Variants in GLI3 observed in about 807,000 individuals in gnomAD.
GLI3 encodes GLI family zinc finger 3.
Under a neutral mutation model 100.8 loss-of-function variants are expected in GLI3, and 20 were observed. The observed-to-expected ratio is 0.20, with a 90% CI of 0.14 to 0.29. The LOEUF (loss-of-function observed/expected upper bound fraction) is 0.29. GLI3 is among the 10% of genes least tolerant of loss of function. The pLI is 1.00. For synonymous variants in GLI3, 938 were observed against 860.5 expected (o/e 1.09, Z -1.58); for missense variants, 2,040 against 2,128.5 (o/e 0.96, Z 0.82).
intron 4 of GLI3, among the ~76,000 whole-genome samples, chr7:42,075,491 T>C (rs1784861916): frequency 6.6e-6 from 1 of 152,340 alleles, no homozygotes; most frequent in Non-Finnish European, 1.5e-5. Context: ...ACTAGGAATT[T>C]CCTTCCCTTT....
At chr7:42,128,014 G>A (rs1451077340) in intron 3 of GLI3, among the ~76,000 whole-genome samples, 8 of 71,766 alleles carry the variant, frequency 1.1e-4, no homozygotes, top group African/African-American at 1.5e-4. Flanking sequence ...GCAAGACCCT[G>A]ACTCAAAAAA....
chr7:42,012,059 A>G (rs921236280), intron 10 of GLI3, among the ~76,000 whole-genome samples: 4 of 151,996 alleles, frequency 2.6e-5, no homozygotes, highest in Admixed American at 6.6e-5. Flanking sequence ...CTGAGCAGAA[A>G]GGATAAACCT....
At chr7:42,018,602 A>C (rs1788838847) in intron 10 of GLI3, among the ~76,000 whole-genome samples, 1 of 152,176 alleles carries the variant, frequency 6.6e-6, no homozygotes, top group African/African-American at 2.4e-5. Flanking sequence ...TTTATATCTA[A>C]ATCTCTATAT....
chr7:42,201,206 ATCTC>A (rs58135860), intron 2 of GLI3, among the ~76,000 whole-genome samples: 21,442 of 151,590 alleles, frequency 0.14, 1,638 homozygotes, highest in Middle Eastern at 0.2. Context: ...AATGTGATAT[ATCTC>A]TCTCTCTCTC....
At chr7:42,136,704 G>C (rs555994551) in intron 3 of GLI3, among the ~76,000 whole-genome samples, 1 of 152,318 alleles carries the variant, frequency 6.6e-6, no homozygotes, top group Non-Finnish European at 1.5e-5. Context: ...AGGTAGCAAG[G>C]ACCAGTTCCT....
At chr7:42,044,520 G>A (rs1784205619) in intron 6 of GLI3, among the ~76,000 whole-genome samples, 1 of 152,164 alleles carries the variant, frequency 6.6e-6, no homozygotes, top group Non-Finnish European at 1.5e-5. Context: ...GATACAACAT[G>A]CATCAAGTAA....
intron 3 of GLI3, among the ~76,000 whole-genome samples, chr7:42,124,456 A>C (rs1231903047): frequency 6.6e-6 from 1 of 152,236 alleles, no homozygotes; most frequent in African/African-American, 2.4e-5. Context: ...ACACCGGAGA[A>C]GCTGAGCAAA....
upstream of GLI3, among the ~76,000 whole-genome samples, chr7:42,238,857 C>T (rs971588673): frequency 2.6e-5 from 4 of 152,242 alleles, no homozygotes; most frequent in African/African-American, 9.6e-5. Context: ...GCCAGAAGTG[C>T]CCCGGAGCTC....
chr7:42,215,417 G>C (rs1027588847), intron 2 of GLI3, among the ~76,000 whole-genome samples: 1 of 152,062 alleles, frequency 6.6e-6, no homozygotes, highest in Non-Finnish European at 1.5e-5. Flanking sequence ...AGCCCTCCTC[G>C]ACCTTGGGGG....
chr7:42,113,409 C>T (rs1785766968), intron 3 of GLI3: 5 of 712,434 alleles, frequency 7.0e-6, no homozygotes, highest in African/African-American at 1.7e-5. Flanking sequence ...GAGATGAAGC[C>T]AAGGTGAAGG....
intron 3 of GLI3, among the ~76,000 whole-genome samples, chr7:42,091,055 T>C (rs1290322787): frequency 6.6e-6 from 1 of 152,218 alleles, no homozygotes; most frequent in African/African-American, 2.4e-5. Flanking sequence ...CCCCTGGGCC[T>C]GTGGTCAGAA....
intron 2 of GLI3, among the ~76,000 whole-genome samples, chr7:42,198,814 C>A (rs1430921110): frequency 6.6e-6 from 1 of 151,866 alleles, no homozygotes; most frequent in African/African-American, 2.4e-5. Flanking sequence ...CACAGATTAA[C>A]TCTCTTGCAG....
upstream of GLI3, among the ~76,000 whole-genome samples, chr7:42,238,311 G>A (rs1389463957): frequency 6.6e-6 from 1 of 151,982 alleles, no homozygotes; most frequent in African/African-American, 2.4e-5. Context: ...CTCAAGGGCT[G>A]GACTCCCCTT....
At chr7:41,991,542 G>T (rs1583764611) in intron 10 of GLI3, among the ~76,000 whole-genome samples, 1 of 152,178 alleles carries the variant, frequency 6.6e-6, no homozygotes, top group South Asian at 2.1e-4. Flanking sequence ...TCTATACCTA[G>T]ATTGTAATTT....
chr7:41,988,334 G>A (rs568436312), intron 10 of GLI3, among the ~76,000 whole-genome samples: 2 of 152,146 alleles, frequency 1.3e-5, no homozygotes, highest in African/African-American at 2.4e-5. Context: ...ATTGTAGCAG[G>A]TGCCTGTAAT....
At chr7:42,226,691 T>C (rs956458554) in intron 1 of GLI3, among the ~76,000 whole-genome samples, 9 of 152,232 alleles carry the variant, frequency 5.9e-5, no homozygotes, top group Non-Finnish European at 1.2e-4. Context: ...GCTATAAAGA[T>C]GGCAATGTGC....
At position 42,197,496 on chromosome 7, in the gene GLI3, G is replaced by A. The variant is rs577306138; in HGVS notation, c.124+25634C>T. Among the ~76,000 whole-genome samples the A allele has an allele frequency of 2.6e-5, 4 of 152,306 alleles. No homozygotes were observed. The South Asian group carries it at 6.2e-4, about 24-fold the overall frequency. ...AAACAACTTGCTCTTAGAGAGCAGG[G>A]GGAGTTGACCACTGGATGGCCTTGG... is the stretch of plus-strand genomic sequence containing the variant. On this transcript the variant is annotated intron_variant, in intron 2 of 14. Transcript: ENST00000395925.
At chr7:42,027,373 T>C (rs1029322374) in intron 7 of GLI3, among the ~76,000 whole-genome samples, 2 of 152,112 alleles carry the variant, frequency 1.3e-5, no homozygotes, top group Non-Finnish European at 2.9e-5. Context: ...GAAAAAAATA[T>C]TTATATATAT....
intron 4 of GLI3, among the ~76,000 whole-genome samples, chr7:42,074,653 C>G (rs948407301): frequency 1.3e-5 from 2 of 152,044 alleles, no homozygotes; most frequent in Admixed American, 6.5e-5. Flanking sequence ...TGCTGGGGCC[C>G]ACTTCATAAG....
Sources: gnomAD v4.1 joint callset for allele counts (sites outside exome capture counted in the v4.1 genomes callset) on GRCh38, gnomAD v4.1.1 for gene constraint, MANE v1.5 for transcripts, NCBI Gene and HGNC (gene_info 2026-07-23, HGNC 2026-07-21) for gene names.